THOC1: variants seen among roughly 807,000 people sequenced by gnomAD.
THOC1 encodes THO complex subunit 1, also known as THO complex 1.
THOC1 carries 29 observed loss-of-function variants against 97.3 expected under a neutral mutation model. The observed-to-expected ratio is 0.30, with a 90% CI of 0.22 to 0.41. The LOEUF is 0.41. Among genes scored for constraint, THOC1 ranks in the 10% least tolerant of loss-of-function variants. The pLI, the probability that THOC1 is intolerant of heterozygous loss-of-function variation, is 1.00. For missense variants in THOC1, 529 were observed against 761.9 expected (o/e 0.69, Z 3.60); for synonymous variants, 255 against 257.0 (o/e 0.99, Z 0.07).
In THOC1 at chr18:254,605, G is replaced by C. The variant is rs559779759; in HGVS notation, c.521-250C>G. On this transcript the variant is annotated intron_variant, in intron 7 of 20. Transcript: ENST00000261600. The surrounding 1 kb of genome is among the most constrained non-coding windows in gnomAD (Gnocchi z 4.1). ...AAATTGAATGGCAACCCTGCATCGT[G>C]CAAGTCTATCAGCACCATTTTTCCA... Among the ~76,000 whole-genome samples the C allele has an allele frequency of 1.8e-4, 27 of 152,228 alleles. No individual in the cohort carries two copies. The highest frequency in any genetic ancestry group is 9.8e-4 in the Admixed American group (15 of 15,298).
intron 18 of THOC1, among the ~76,000 whole-genome samples, chr18:218,429 T>C (rs1910967313): frequency 6.6e-6 from 1 of 151,924 alleles, no homozygotes; most frequent in African/African-American, 2.4e-5. Flanking sequence ...ACTCCAAAAT[T>C]TGAGTTAGGC....
chr18:233,623 CTAGTT>C, intron 11 of THOC1, among the ~76,000 whole-genome samples: 1 of 152,152 alleles, frequency 6.6e-6, no homozygotes, highest in Non-Finnish European at 1.5e-5. Context: ...CCTTTCCTCA[CTAGTT>C]TATAATGCAA....
intron 8 of THOC1, among the ~76,000 whole-genome samples, chr18:252,928 C>A (rs1228394993): frequency 6.6e-6 from 1 of 152,158 alleles, no homozygotes; most frequent in Non-Finnish European, 1.5e-5. Flanking sequence ...ATGCACAAGA[C>A]AATTCAACAA....
At chr18:228,657 C>G (rs1384126330) in intron 11 of THOC1, among the ~76,000 whole-genome samples, 3 of 152,210 alleles carry the variant, frequency 2.0e-5, no homozygotes, top group Admixed American at 2.0e-4. Flanking sequence ...TTGCCAACTT[C>G]AACACACTTG....
chr18:259,470 G>A (rs552739761), intron 6 of THOC1, among the ~76,000 whole-genome samples, 195 bp from the exon 7 acceptor site: 28 of 152,100 alleles, frequency 1.8e-4, no homozygotes, highest in African/African-American at 6.5e-4. Flanking sequence ...ACATGAAAAA[G>A]ACAAACTTTA....
At chr18:252,474 G>A (rs904091336) in intron 9 of THOC1, 65 bp downstream of exon 9, 11 of 1,232,030 alleles carry the variant, frequency 8.9e-6, no homozygotes, top group Admixed American at 1.8e-5. Flanking sequence ...TCACTCCAGA[G>A]AGGATACTCA....
intron 1 of THOC1, 38 bp from the exon 2 acceptor site, chr18:265,568 T>G: frequency 1.3e-6 from 2 of 1,485,050 alleles, no homozygotes; most frequent in Non-Finnish European, 1.8e-6. Context: ...TTGTAAAGAT[T>G]TTGCTTATTA....
At chr18:241,959 A>G (rs1598299174) in intron 11 of THOC1, among the ~76,000 whole-genome samples, 2 of 152,226 alleles carry the variant, frequency 1.3e-5, no homozygotes, top group Admixed American at 6.5e-5. Context: ...TTTAGCAAGT[A>G]GTAACCCTGG....
chr18:249,986 C>A (rs898611640), intron 9 of THOC1, among the ~76,000 whole-genome samples: 2 of 152,092 alleles, frequency 1.3e-5, no homozygotes, highest in Non-Finnish European at 2.9e-5. Flanking sequence ...CCCTTTTTGT[C>A]TCAATTGCTA....
chr18:259,306 GA>G, intron 6 of THOC1, 31 bp from the exon 7 acceptor site: 1 of 1,521,084 alleles, frequency 6.6e-7, no homozygotes, highest in Non-Finnish European at 9.0e-7. Context: ...ACGTTACACA[GA>G]AAAGATAATT....
rs1364352129 is a variant in THOC1 at position 247,953 on chromosome 18, T to C, written c.682A>G (p.Ile228Val). 1.6e-5 allele frequency: 25 copies of C among 1,531,772 alleles called. No individual in the cohort carries two copies. The highest frequency in any genetic ancestry group is 2.1e-5 in the Non-Finnish European group (24 of 1,128,144). The allele number at this position is 1,531,772 out of a possible 1,614,324, so 94.9% of individuals were successfully genotyped here. ...GDEEAPTTCS[I>V]PIDYNLYRKF... ...CGATACAGGTTGTAATCAATTGGAA[T>C]AGAGCTAATAAAATAAACGTTATAT... Residue 228 changes from isoleucine to valine, a missense_variant, in exon 10 of 21, where the codon ATT becomes GTT. By Grantham distance (29) the Ile-to-Val change is conservative. Around this residue, in one of 8 missense-constraint regions of THOC1, gnomAD observed 92 missense variants for 127.0 expected, o/e 0.72. Coordinates refer to ENST00000261600, the MANE Select transcript of THOC1 (RefSeq NM_005131.3).
At chr18:224,896 A>G (rs1478135473) in intron 15 of THOC1, 28 bp downstream of exon 15, 1 of 1,540,086 alleles carries the variant, frequency 6.5e-7, no homozygotes. Context: ...ATGAGTATGT[A>G]TTTACCTTTC....
intron 11 of THOC1, among the ~76,000 whole-genome samples, chr18:238,852 C>T (rs1407251780): frequency 1.3e-5 from 2 of 152,076 alleles, no homozygotes; most frequent in Non-Finnish European, 2.9e-5. Flanking sequence ...AAAACAAACT[C>T]TTTAATGTTT....
At chr18:264,886 T>C (rs1912714621) in intron 3 of THOC1, 1 of 155,388 alleles carries the variant, frequency 6.4e-6, no homozygotes, top group South Asian at 2.0e-4. Flanking sequence ...CCCTCAGTTA[T>C]TTATGTAAGT....
At chr18:238,836 C>G (rs1298487512) in intron 11 of THOC1, among the ~76,000 whole-genome samples, 1 of 152,062 alleles carries the variant, frequency 6.6e-6, no homozygotes, top group Non-Finnish European at 1.5e-5. Flanking sequence ...TACTCATAGT[C>G]AATGTAAAAC....
At chr18:246,680 G>A (rs934425974) in intron 10 of THOC1, among the ~76,000 whole-genome samples, 12 of 151,952 alleles carry the variant, frequency 7.9e-5, no homozygotes, top group African/African-American at 2.9e-4. Flanking sequence ...TACTCCTAAA[G>A]AAATATAATT....
At chr18:256,079 G>A (rs958869358) in intron 7 of THOC1, among the ~76,000 whole-genome samples, 2 of 152,226 alleles carry the variant, frequency 1.3e-5, no homozygotes, top group Admixed American at 1.3e-4. Context: ...AGATGGGCAA[G>A]GAAATTAATG....
intron 11 of THOC1, among the ~76,000 whole-genome samples, chr18:235,881 TAACTA>T (rs1176920900): frequency 1.3e-5 from 2 of 152,208 alleles, no homozygotes; most frequent in African/African-American, 4.8e-5. Context: ...TCCATATACT[TAACTA>T]ATCTTTAGTC....
chr18:231,069 A>G (rs1450772115), intron 11 of THOC1, among the ~76,000 whole-genome samples: 1 of 152,090 alleles, frequency 6.6e-6, no homozygotes, highest in African/African-American at 2.4e-5. Context: ...TTCTTTGTAA[A>G]TGTCTTTGTA....
Sources: allele counts gnomAD v4.1 joint callset (sites outside exome capture counted in the v4.1 genomes callset), GRCh38; gene constraint gnomAD v4.1.1; regional missense constraint gnomAD v4.1.1; non-coding constraint Gnocchi (gnomAD v3.1); transcripts MANE v1.5; gene names NCBI Gene and HGNC (gene_info 2026-07-23, HGNC 2026-07-21).